The following ATF2 variants were observed in gnomAD, a reference collection of about 807,000 sequenced individuals.
ATF2 encodes the protein cyclic AMP-dependent transcription factor ATF-2.
Under a neutral mutation model 60.6 loss-of-function variants are expected in ATF2, and 24 were observed. The ratio of observed to expected loss-of-function variants is 0.40; its 90% CI spans 0.29 to 0.56. The LOEUF (loss-of-function observed/expected upper bound fraction) is 0.56. Among genes scored for constraint, ATF2 ranks in the 20% least tolerant of loss-of-function variants. ATF2 has a pLI of 0.54. For missense variants in ATF2, 433 were observed against 607.7 expected (o/e 0.71, Z 3.02); for synonymous variants, 206 against 215.4 (o/e 0.96, Z 0.38).
chr2:175,160,317 T>C (rs1417936484), intron 1 of ATF2, among the ~76,000 whole-genome samples: 1 of 152,064 alleles, frequency 6.6e-6, no homozygotes, highest in Non-Finnish European at 1.5e-5. Context: ...CCCAGGTGTT[T>C]GAGGCAGCAG....
At chr2:175,129,516 C>T (rs1328479520) in intron 4 of ATF2, among the ~76,000 whole-genome samples, 2 of 151,936 alleles carry the variant, frequency 1.3e-5, no homozygotes, top group African/African-American at 2.4e-5. Context: ...TGCTTACTTA[C>T]ATTTATGGTC....
At chr2:175,076,745 C>CTT (rs796927121) in intron 13 of ATF2, among the ~76,000 whole-genome samples, 1 of 139,880 alleles carries the variant, frequency 7.1e-6, no homozygotes, top group African/African-American at 2.6e-5. Context: ...CACCACTATT[C>CTT]TTTTTTTTTT....
intron 1 of ATF2, among the ~76,000 whole-genome samples, chr2:175,163,597 C>T (rs973144578): frequency 1.5e-4 from 23 of 152,070 alleles, no homozygotes; most frequent in African/African-American, 5.3e-4. Flanking sequence ...TACATCTCTT[C>T]TTTACTGTCA....
intron 12 of ATF2, among the ~76,000 whole-genome samples, chr2:175,087,348 T>G (rs1477072424): frequency 6.6e-6 from 1 of 152,200 alleles, no homozygotes; most frequent in African/African-American, 2.4e-5. Context: ...TAAAAGAAAT[T>G]ATTATTCTGG....
chr2:175,125,619 C>A (rs1697278075), intron 4 of ATF2, among the ~76,000 whole-genome samples: 1 of 151,994 alleles, frequency 6.6e-6, no homozygotes, highest in African/African-American at 2.4e-5. Context: ...ACTAAGTAGA[C>A]ATATACAAAG....
Position 175,073,597 on chromosome 2 carries a change from C to T in ATF2, c.*1012G>A, listed in dbSNP as rs930409468. 1 of 151,948 alleles carries T rather than the reference C, an allele frequency of 6.6e-6. No individual in the cohort carries two copies. The highest frequency in any genetic ancestry group is 2.1e-4 in the South Asian group (1 of 4,830). The allele number at this position is 151,948 out of a possible 1,614,324, so 9.4% of individuals were successfully genotyped here. On this transcript the variant is annotated 3_prime_UTR_variant, in exon 14 of 14. Transcript: ENST00000264110. ...CGAGAAACATTATCAAAATTTGCTACTAAAAGATGACAGTGCTTTCACAAG... is the reference window on the plus strand; with the variant it reads ...CGAGAAACATTATCAAAATTTGCTATTAAAAGATGACAGTGCTTTCACAAG...
chr2:175,140,899 A>C (rs968963810), intron 2 of ATF2, among the ~76,000 whole-genome samples: 2 of 145,310 alleles, frequency 1.4e-5, no homozygotes, highest in African/African-American at 5.0e-5. Context: ...CAGGAGGCTG[A>C]GGCAGGAGAA....
At chr2:175,112,062 T>C (rs1696234479) in intron 9 of ATF2, among the ~76,000 whole-genome samples, 1 of 152,214 alleles carries the variant, frequency 6.6e-6, no homozygotes, top group African/African-American at 2.4e-5. Context: ...ATATATACAA[T>C]GAATTTTCTT....
At chr2:175,112,481 A>T (rs1172259983) in intron 9 of ATF2, among the ~76,000 whole-genome samples, 1 of 152,242 alleles carries the variant, frequency 6.6e-6, no homozygotes, top group Non-Finnish European at 1.5e-5. Flanking sequence ...TTAGTTAATT[A>T]AAAAAAGATA....
At chr2:175,107,140 A>G (rs1427361715) in intron 10 of ATF2, among the ~76,000 whole-genome samples, 3 of 152,162 alleles carry the variant, frequency 2.0e-5, no homozygotes, top group Non-Finnish European at 2.9e-5. Context: ...ATCAATCAAT[A>G]AAAGAAAAAC....
chr2:175,117,490 T>C (rs1329196221), intron 7 of ATF2, among the ~76,000 whole-genome samples: 3 of 151,984 alleles, frequency 2.0e-5, no homozygotes, highest in African/African-American at 7.2e-5. Flanking sequence ...GTTCCCATAA[T>C]AATGTTACTC....
chr2:175,108,364 G>A (rs1436528611), intron 10 of ATF2, among the ~76,000 whole-genome samples: 1 of 151,328 alleles, frequency 6.6e-6, no homozygotes, highest in Non-Finnish European at 1.5e-5. Flanking sequence ...GTCCGGGAGG[G>A]AGGTGGGGGG....
At chr2:175,092,615 C>A in intron 12 of ATF2, 1 of 447,832 alleles carries the variant, frequency 2.2e-6, no homozygotes, top group South Asian at 1.7e-5. Context: ...GCAATATATT[C>A]ACTTTAAATA....
At chr2:175,125,230 T>C (rs1344358094) in intron 4 of ATF2, among the ~76,000 whole-genome samples, 3 of 152,052 alleles carry the variant, frequency 2.0e-5, no homozygotes, top group African/African-American at 7.2e-5. Flanking sequence ...GCAGTCACCA[T>C]CAAAATGATG....
chr2:175,146,244 G>C (rs1371851548), intron 2 of ATF2, among the ~76,000 whole-genome samples: 1 of 152,084 alleles, frequency 6.6e-6, no homozygotes, highest in Non-Finnish European at 1.5e-5. Flanking sequence ...TTATAGTCAA[G>C]GAAACATTAA....
At chr2:175,093,945 T>C (rs1345780665) in intron 11 of ATF2, among the ~76,000 whole-genome samples, 1 of 152,186 alleles carries the variant, frequency 6.6e-6, no homozygotes, top group Non-Finnish European at 1.5e-5. Flanking sequence ...TGCTCCCCAA[T>C]GAATCAGCTT....
chr2:175,143,722 A>G (rs1482404824), intron 2 of ATF2, among the ~76,000 whole-genome samples: 1 of 152,188 alleles, frequency 6.6e-6, no homozygotes, highest in East Asian at 1.9e-4. Context: ...ATCTTGACAC[A>G]CTAATGAGGC....
Position 175,168,065 on chromosome 2 carries a change from G to C in ATF2, c.-158C>G, listed in dbSNP as rs576326076. 6 of 204,610 alleles carry C rather than the reference G, an allele frequency of 2.9e-5. No homozygotes were observed. The East Asian group carries it at 6.2e-4, about 21-fold the overall frequency. The allele number at this position is 204,610 out of a possible 1,614,324, so 12.7% of individuals were successfully genotyped here. A position where few individuals can be genotyped will look rare whatever the true frequency, so the allele number is the denominator to read the frequency against. ...CGTTACTCACCTTTCCAGGTCACTA[G>C]TTCATGATCCTTTCGGTCACCCGCG... On this transcript the variant is annotated 5_prime_UTR_variant, in exon 1 of 14. Coordinates refer to ENST00000264110, the MANE Select transcript of ATF2 (RefSeq NM_001880.4).
intron 10 of ATF2, among the ~76,000 whole-genome samples, chr2:175,102,714 A>G (rs924505373): frequency 2.0e-5 from 3 of 151,862 alleles, no homozygotes; most frequent in Non-Finnish European, 4.4e-5. Context: ...GGCTGCAGTG[A>G]GCTCTGGCCT....
Sources: allele counts gnomAD v4.1 joint callset (sites outside exome capture counted in the v4.1 genomes callset), GRCh38; gene constraint gnomAD v4.1.1; transcripts MANE v1.5; gene names NCBI Gene and HGNC (gene_info 2026-07-23, HGNC 2026-07-21).